Variants in LRPPRC observed in about 807,000 individuals in gnomAD.
The protein encoded by LRPPRC is leucine rich pentatricopeptide repeat containing, also known as leucine-rich PPR motif-containing protein, mitochondrial.
LRPPRC carries 120 observed loss-of-function variants against 180.3 expected under a neutral mutation model. The observed-to-expected ratio is 0.67, with a 90% CI of 0.57 to 0.77. The LOEUF (loss-of-function observed/expected upper bound fraction) is 0.77, where lower values mean the gene tolerates loss of function less well. Among genes scored for constraint, LRPPRC ranks in the 30% least tolerant of loss-of-function variants. The probability of loss-of-function intolerance (pLI) is 0.00; values close to 1 mark genes in which losing one functional copy is unlikely to be tolerated. For missense variants in LRPPRC, 2,012 were observed against 1,657.2 expected (o/e 1.21, Z -3.72); for synonymous variants, 723 against 600.0 (o/e 1.21, Z -3.00).
chr2:43,945,226 G>A (rs952453736), intron 22 of LRPPRC, 106 bp downstream of exon 22: 6 of 802,950 alleles, frequency 7.5e-6, no homozygotes, highest in East Asian at 2.5e-5. Flanking sequence ...TCTATGCAAA[G>A]TGTTCAAGCA....
At position 43,887,251 on chromosome 2, in the gene LRPPRC, A is replaced by C. The variant is rs543346730; in HGVS notation, c.*1349T>G. On this transcript the variant is annotated 3_prime_UTR_variant, in exon 38 of 38. Transcript: ENST00000260665. Reference sequence around the variant, plus strand: ...GCCGCACTATGTCCACTGGGCCAAGACTCAACGTTGGCCATGCCCCCTGCT... The same window carrying C: ...GCCGCACTATGTCCACTGGGCCAAGCCTCAACGTTGGCCATGCCCCCTGCT... 1 of 151,746 alleles carries C rather than the reference A, an allele frequency of 6.6e-6. No individual in the cohort carries two copies. Among genetic ancestry groups the C allele is most frequent in the Non-Finnish European group, 1.5e-5 (1 of 67,982 alleles). The allele number at this position is 151,746 out of a possible 1,614,324, so 9.4% of individuals were successfully genotyped here.
At chr2:43,904,966 A>G (rs1671020167) in intron 31 of LRPPRC, among the ~76,000 whole-genome samples, 1 of 152,112 alleles carries the variant, frequency 6.6e-6, no homozygotes, top group African/African-American at 2.4e-5. Context: ...GCCCCTTGGG[A>G]GATCATTCAT....
chr2:43,934,977 A>C (rs1219453610), intron 23 of LRPPRC, 99 bp from the exon 24 acceptor site: 1 of 924,740 alleles, frequency 1.1e-6, no homozygotes, highest in African/African-American at 1.6e-5. Flanking sequence ...GTTAATATGT[A>C]AACAACTGAG....
intron 1 of LRPPRC, among the ~76,000 whole-genome samples, chr2:43,986,153 T>C (rs989332999): frequency 5.9e-5 from 9 of 152,170 alleles, no homozygotes; most frequent in Admixed American, 1.3e-4. Flanking sequence ...TATTTTGAGA[T>C]GGAGTCTTGC....
At chr2:43,956,494 T>TGTGTGTGTGTGTGG (rs1673121397) in intron 14 of LRPPRC, among the ~76,000 whole-genome samples, 1 of 151,588 alleles carries the variant, frequency 6.6e-6, no homozygotes, top group Non-Finnish European at 1.5e-5. Flanking sequence ...TGTGTGTGTG[T>TGTGTGTGTGTGTGG]GTGTGTGTGT....
chr2:43,947,851 T>G (rs1309548604), intron 18 of LRPPRC, 76 bp from the exon 19 acceptor site: 2 of 951,980 alleles, frequency 2.1e-6, no homozygotes, highest in Non-Finnish European at 3.5e-6. Flanking sequence ...AAAAGCAAAT[T>G]TGTAAGTCTC....
At chr2:43,955,296 C>T (rs1673059703) in intron 14 of LRPPRC, among the ~76,000 whole-genome samples, 1 of 151,644 alleles carries the variant, frequency 6.6e-6, no homozygotes, top group African/African-American at 2.4e-5. Flanking sequence ...GGTGAGACTC[C>T]ATCTCCACAA....
At chr2:43,983,282 C>T (rs1161963672) in intron 1 of LRPPRC, among the ~76,000 whole-genome samples, 1 of 151,838 alleles carries the variant, frequency 6.6e-6, no homozygotes, top group African/African-American at 2.4e-5. Flanking sequence ...AATCTGAGGG[C>T]TTCTAGGCTG....
At chr2:43,966,683 C>T (rs1458626150) in intron 11 of LRPPRC, among the ~76,000 whole-genome samples, 1 of 150,450 alleles carries the variant, frequency 6.6e-6, no homozygotes, top group Non-Finnish European at 1.5e-5. Flanking sequence ...GCTGGGATTA[C>T]AGGCATGAGC....
Position 43,886,478 on chromosome 2 carries a change from A to T in LRPPRC, c.*2122T>A, listed in dbSNP as rs1001257136. The T allele has an allele frequency of 1.3e-5, 2 of 152,308 alleles. 1 individual carries two copies. The highest frequency in any genetic ancestry group is 1.3e-4 in the Admixed American group (2 of 15,300). 9.4% of individuals were successfully genotyped at this position (152,308 alleles called of 1,614,324 possible). ...AGCCCACCTACAGTATAGTTATTAT[A>T]CTTTAAATATTTATATTCAATAGGG... On this transcript the variant is annotated 3_prime_UTR_variant, in exon 38 of 38. Coordinates refer to ENST00000260665, the MANE Select transcript of LRPPRC (RefSeq NM_133259.4).
chr2:43,947,577 T>G (rs552250114), intron 19 of LRPPRC, among the ~76,000 whole-genome samples, 154 bp downstream of exon 19: 19 of 152,102 alleles, frequency 1.2e-4, no homozygotes, highest in African/African-American at 4.6e-4. Context: ...GATATGTTGA[T>G]TTTTCTGAGG....
rs2104963137 is a variant in LRPPRC at position 43,886,362 on chromosome 2, A to G, written c.*2238T>C. On this transcript the variant is annotated 3_prime_UTR_variant, in exon 38 of 38. Transcript: ENST00000260665. Reference sequence around the variant, plus strand: ...ATCTTTTTTAGAATTAGCTGCTTATAATTTGAGTGTAAATGTATTACAGAA... The same window carrying G: ...ATCTTTTTTAGAATTAGCTGCTTATGATTTGAGTGTAAATGTATTACAGAA... 2 of 152,344 alleles carry G rather than the reference A, an allele frequency of 1.3e-5. No individual in the cohort carries two copies. The highest frequency in any genetic ancestry group is 3.9e-4 in the East Asian group (2 of 5,188). 9.4% of individuals were successfully genotyped at this position (152,344 alleles called of 1,614,324 possible).
chr2:43,894,701 C>T, intron 35 of LRPPRC, 72 bp from the exon 36 acceptor site: 1 of 790,248 alleles, frequency 1.3e-6, no homozygotes, highest in South Asian at 1.4e-5. Context: ...GACAAATCAA[C>T]ACTATATTAA....
intron 11 of LRPPRC, among the ~76,000 whole-genome samples, chr2:43,965,095 G>A (rs202011274): frequency 6.6e-6 from 1 of 152,130 alleles, no homozygotes; most frequent in Admixed American, 6.5e-5. Context: ...TCCACCTCCC[G>A]GGTTCAAGCA....
At chr2:43,927,207 T>C (rs1239144320) in intron 25 of LRPPRC, among the ~76,000 whole-genome samples, 2 of 152,276 alleles carry the variant, frequency 1.3e-5, no homozygotes, top group African/African-American at 4.8e-5. Context: ...GAGGTATCTT[T>C]ACTGCTTTCT....
intron 1 of LRPPRC, among the ~76,000 whole-genome samples, chr2:43,983,086 C>T (rs1400749231): frequency 6.6e-6 from 1 of 151,790 alleles, no homozygotes; most frequent in Non-Finnish European, 1.5e-5. Context: ...AAACAACTGC[C>T]ACCAAAAATA....
chr2:43,922,381 C>T (rs979411748), intron 27 of LRPPRC, among the ~76,000 whole-genome samples: 13 of 152,094 alleles, frequency 8.5e-5, no homozygotes, highest in African/African-American at 2.9e-4. Context: ...TGAAAGGAAC[C>T]GTTTTAAAAT....
rs1281393081 is a variant in LRPPRC at position 43,947,758 on chromosome 2, A to T, written c.1938T>A (p.Val646=). The change falls in exon 19 of 38, where the codon GTT becomes GTA. Residue 646 remains valine (V), a synonymous_variant. Transcript: ENST00000260665. ...PELIKDAHLL[V]ESKNLDFQKT... The stretch of plus-strand genomic sequence containing the variant: ...TTTGAAAGTCTAAATTCTTACTCTC[A>T]ACCAACAAGTGAGCATCCTAAAATT... 1 of 1,589,608 alleles carries T rather than the reference A, an allele frequency of 6.3e-7. No individual in the cohort carries two copies. Among genetic ancestry groups the T allele is most frequent in the South Asian group, 1.1e-5 (1 of 90,510 alleles).
chr2:43,903,392 A>G (rs1670956401), intron 31 of LRPPRC: 1 of 152,154 alleles, frequency 6.6e-6, no homozygotes. Flanking sequence ...TCTGCTTTAG[A>G]TGGGGTTGAG....
Sources: allele counts gnomAD v4.1 joint callset (sites outside exome capture counted in the v4.1 genomes callset), GRCh38; gene constraint gnomAD v4.1.1; transcripts MANE v1.5; gene names NCBI Gene and HGNC (gene_info 2026-07-23, HGNC 2026-07-21).